Variants in LOC122539214 observed in about 807,000 individuals in gnomAD.
chr19:52,673,294 C>G, the LOC122539214 span, among the ~76,000 whole-genome samples: 2 of 152,128 alleles, frequency 1.3e-5, no homozygotes, highest in African/African-American at 4.8e-5. Context: ...CCCCTGAGGT[C>G]AAGAGTTCGA....
chr19:52,661,825 G>A, the LOC122539214 span, among the ~76,000 whole-genome samples: 3 of 152,208 alleles, frequency 2.0e-5, no homozygotes, highest in Non-Finnish European at 2.9e-5. Flanking sequence ...GGGCCTGTGG[G>A]AGATCACAAA....
At chr19:52,662,104 C>T in the LOC122539214 span, among the ~76,000 whole-genome samples, 3,563 of 152,302 alleles carry the variant, frequency 0.023, 134 homozygotes, top group African/African-American at 0.076. Context: ...TTCTCCCACA[C>T]TTCAAAAGAA....
the LOC122539214 span, chr19:52,651,157 A>T: frequency 6.6e-6 from 1 of 152,106 alleles, no homozygotes; most frequent in East Asian, 1.9e-4. Context: ...TGTTCAAACC[A>T]CTCATCCTGT....
chr19:52,664,753 T>TG, the LOC122539214 span, among the ~76,000 whole-genome samples: 3 of 3,816 alleles, frequency 7.9e-4, no homozygotes, highest in South Asian at 0.02. Context: ...GGGCCTGGTG[T>TG]GGGGGGGTGA....
the LOC122539214 span, among the ~76,000 whole-genome samples, chr19:52,676,354 G>A: frequency 1.3e-5 from 2 of 152,172 alleles, no homozygotes; most frequent in Non-Finnish European, 2.9e-5. Context: ...CCAGCCGCCT[G>A]CCTTGGCCTC....
At chr19:52,657,447 T>C in the LOC122539214 span, among the ~76,000 whole-genome samples, 6 of 151,458 alleles carry the variant, frequency 4.0e-5, no homozygotes, top group African/African-American at 1.2e-4. Context: ...TTGTCTCTAC[T>C]AAAAATACAA....
At chr19:52,671,146 C>T in the LOC122539214 span, among the ~76,000 whole-genome samples, 1 of 152,086 alleles carries the variant, frequency 6.6e-6, no homozygotes, top group African/African-American at 2.4e-5. Context: ...GGCACAGAAA[C>T]ATGTTTTGAG....
At chr19:52,654,732 C>A in the LOC122539214 span, 1 of 164,176 alleles carries the variant, frequency 6.1e-6, no homozygotes, top group South Asian at 1.8e-4. Context: ...AGAGTTCAGT[C>A]AAGAGCCTCA....
chr19:52,681,538 G>A, the LOC122539214 span, among the ~76,000 whole-genome samples: 35,144 of 151,868 alleles, frequency 0.23, 5,722 homozygotes, highest in African/African-American at 0.47. Flanking sequence ...TGCTTCCCAT[G>A]TCTTAAGCCA....
chr19:52,652,384 G>A, the LOC122539214 span: 23 of 322,986 alleles, frequency 7.1e-5, no homozygotes, highest in South Asian at 2.6e-4. Context: ...GCCGTGAGCC[G>A]AGATCACGCC....
At chr19:52,659,721 C>G in the LOC122539214 span, among the ~76,000 whole-genome samples, 2 of 151,584 alleles carry the variant, frequency 1.3e-5, no homozygotes, top group Admixed American at 1.3e-4. Flanking sequence ...TTTCAGGATG[C>G]AAAAGAAACA....
chr19:52,688,146 T>C, the LOC122539214 span, among the ~76,000 whole-genome samples: 48 of 152,206 alleles, frequency 3.2e-4, no homozygotes, highest in Non-Finnish European at 5.0e-4. Context: ...TAAACTCACC[T>C]ACTCATCTGA....
chr19:52,669,759 G>A, the LOC122539214 span, among the ~76,000 whole-genome samples: 1 of 152,156 alleles, frequency 6.6e-6, no homozygotes, highest in Admixed American at 6.5e-5. Flanking sequence ...CGTAATGGGT[G>A]TACTTATTCT....
the LOC122539214 span, among the ~76,000 whole-genome samples, chr19:52,682,304 G>C: frequency 6.6e-6 from 1 of 152,126 alleles, no homozygotes; most frequent in East Asian, 1.9e-4. Flanking sequence ...AGGATCCCTA[G>C]AGGTCAGTAG....
the LOC122539214 span, among the ~76,000 whole-genome samples, chr19:52,659,203 C>T: frequency 6.6e-6 from 1 of 152,034 alleles, no homozygotes. Context: ...TCTCTTGAGG[C>T]AACCTGTGAA....
the LOC122539214 span, among the ~76,000 whole-genome samples, chr19:52,659,256 G>C: frequency 6.6e-6 from 1 of 151,810 alleles, no homozygotes; most frequent in Non-Finnish European, 1.5e-5. Context: ...TGCGATGGAA[G>C]CATGAGGAAC....
the LOC122539214 span, among the ~76,000 whole-genome samples, chr19:52,682,786 T>C: frequency 2.0e-5 from 3 of 152,220 alleles, no homozygotes; most frequent in African/African-American, 7.2e-5. Flanking sequence ...GGGGATCACT[T>C]GAGCCCAGGA....
At chr19:52,667,161 T>C in the LOC122539214 span, among the ~76,000 whole-genome samples, 10 of 151,350 alleles carry the variant, frequency 6.6e-5, no homozygotes, top group African/African-American at 2.4e-4. Flanking sequence ...TCTTGTGACC[T>C]TAGGCAGTCT....
the LOC122539214 span, among the ~76,000 whole-genome samples, chr19:52,665,653 C>A: frequency 2.2e-3 from 336 of 152,226 alleles, 2 homozygotes; most frequent in African/African-American, 7.0e-3. Flanking sequence ...CTGACTCATT[C>A]CATAATCATT....
Sources: allele counts gnomAD v4.1 joint callset (sites outside exome capture counted in the v4.1 genomes callset), GRCh38; gene constraint gnomAD v4.1.1; transcripts MANE v1.5.